Variants in MICAL3 observed in about 807,000 individuals in gnomAD.
MICAL3 encodes the protein microtubule associated monooxygenase, calponin and LIM domain containing 3.
Under a neutral mutation model 207.4 loss-of-function variants are expected in MICAL3, and 62 were observed. The observed-to-expected ratio is 0.30, with a 90% confidence interval of 0.24 to 0.37. The LOEUF is 0.37. Ranked by LOEUF, MICAL3 falls within the 10% of genes least tolerant of loss-of-function variation. MICAL3 has a pLI of 1.00. For missense variants in MICAL3, 2,368 were observed against 2,635.6 expected (o/e 0.90, Z 2.22); for synonymous variants, 1,077 against 1,069.3 (o/e 1.01, Z -0.14).
intron 19 of MICAL3, among the ~76,000 whole-genome samples, chr22:17,850,201 T>C (rs774718167): frequency 2.6e-5 from 4 of 151,782 alleles, no homozygotes; most frequent in African/African-American, 9.7e-5. Flanking sequence ...AAAAACCCAA[T>C]AGGGAACAAA....
At chr22:17,822,823 G>A in intron 23 of MICAL3, 124 bp downstream of exon 23, 2 of 608,228 alleles carry the variant, frequency 3.3e-6, no homozygotes, top group Non-Finnish European at 5.8e-6. Flanking sequence ...TTCCAGCCAT[G>A]GTGGAGCCAA....
In MICAL3 at chr22:18,007,495, G is replaced by A. The variant is rs114550482; in HGVS notation, c.-75+16786C>T. On this transcript the variant is annotated intron_variant, in intron 1 of 31. Transcript: ENST00000441493. ...TTCCAGGCTGGAGTGCAGTGGCACA[G>A]TCATAGTTCACTGCAGCCTTGCACT... Among the ~76,000 whole-genome samples the A allele has an allele frequency of 7.9e-3, 1,202 of 151,606 alleles. 11 individuals carry two copies. The highest frequency in any genetic ancestry group is 0.028 in the African/African-American group (1,144 of 41,362).
chr22:17,906,696 C>T lies in MICAL3; in HGVS notation c.117G>A (p.Leu39=), dbSNP rs1354418334. The T allele has an allele frequency of 3.9e-5, 63 of 1,613,836 alleles. No individual in the cohort carries two copies. Among genetic ancestry groups the T allele is most frequent in the Non-Finnish European group, 5.3e-5 (63 of 1,179,890 alleles). ...AGCGGTAGTCCTTTGGCTTTAGTTC[C>T]AGGTGGTCACAGAGCTCCTGGAAAG... ...LKAFQELCDH[L]ELKPKDYRSF... The change falls in exon 2 of 32, where the codon CTG becomes CTA. Residue 39 remains leucine (L), a synonymous_variant. Transcript: ENST00000441493.
Position 17,916,055 on chromosome 22 carries a change from C to CAAA in MICAL3, c.-74-9172_-74-9170dup, listed in dbSNP as rs755146574. ...CTGGGGATGGAGCGAGATCCAGTCTCAAAAAAAAAAAAAAAAAAAAAAAAA... is the reference window on the plus strand; with the variant it reads ...CTGGGGATGGAGCGAGATCCAGTCTCAAAAAAAAAAAAAAAAAAAAAAAAAAAA... On this transcript the variant is annotated intron_variant, in intron 1 of 31. Transcript: ENST00000441493. Among the ~76,000 whole-genome samples, 354 of 57,552 alleles carry CAAA rather than the reference C, an allele frequency of 6.2e-3. 3 individuals carry two copies. Among genetic ancestry groups the CAAA allele is most frequent in the African/African-American group, 0.016 (300 of 19,264 alleles). 37.8% of individuals were successfully genotyped at this position (57,552 alleles called of 152,430 possible). A position where few individuals can be genotyped will look rare whatever the true frequency, so the allele number is the denominator to read the frequency against.
At chr22:17,947,420 T>G (rs953331935) in intron 1 of MICAL3, among the ~76,000 whole-genome samples, 9 of 152,232 alleles carry the variant, frequency 5.9e-5, no homozygotes, top group Non-Finnish European at 1.0e-4. Context: ...CAGCTTTCTC[T>G]CACCTTCACC....
intron 29 of MICAL3, among the ~76,000 whole-genome samples, chr22:17,800,276 GT>G (rs2061924215): frequency 6.6e-6 from 1 of 152,168 alleles, no homozygotes; most frequent in African/African-American, 2.4e-5. Flanking sequence ...AATTATGTGT[GT>G]GTATTTTCAA....
intron 19 of MICAL3, among the ~76,000 whole-genome samples, chr22:17,856,537 C>A (rs916732117): frequency 6.6e-6 from 1 of 151,814 alleles, no homozygotes; most frequent in Non-Finnish European, 1.5e-5. Flanking sequence ...GAAGGCTGAA[C>A]TGGCCAAAAG....
chr22:17,900,348 C>T lies in MICAL3; in HGVS notation c.847+494G>A, dbSNP rs4819474. ...CTCAGGCTGGGTGTGGTGGCTCACG[C>T]TTGTAATCCTAGCACTTTGGGAGGC... On this transcript the variant is annotated intron_variant, in intron 6 of 31. Coordinates refer to ENST00000441493, the MANE Select transcript of MICAL3 (RefSeq NM_015241.3). This position sits in a 1 kb window ranked among gnomAD's most constrained non-coding sequence, Gnocchi z 4.0. 0.16 allele frequency among the ~76,000 whole-genome samples: 24,961 copies of T among 152,196 alleles called. 2,265 individuals carry two copies. The highest frequency in any genetic ancestry group is 0.29 in the East Asian group (1,523 of 5,176).
chr22:17,872,686 C>T, intron 16 of MICAL3: 1 of 999,986 alleles, frequency 1.0e-6, no homozygotes, highest in East Asian at 2.4e-5. Flanking sequence ...ACTCAGCACA[C>T]AGGTGTGTTT....
Position 17,801,148 on chromosome 22 carries a change from CTTTT to C in MICAL3, c.5650+7692_5650+7695del, listed in dbSNP as rs978301664. The stretch of plus-strand genomic sequence containing the variant: ...ACAAGGCATCCTGAGTTTCCTTTTT[CTTTT>C]TTTTTTTTTTTTTTTTTTGAGACGG... On this transcript the variant is annotated intron_variant, in intron 29 of 31. Coordinates refer to ENST00000441493, the MANE Select transcript of MICAL3 (RefSeq NM_015241.3). 4.4e-5 allele frequency among the ~76,000 whole-genome samples: 4 copies of C among 91,924 alleles called. 1 individual carries two copies. The highest frequency in any genetic ancestry group is 3.1e-4 in the Admixed American group (3 of 9,608). 60.3% of individuals were successfully genotyped at this position (91,924 alleles called of 152,430 possible).
At chr22:17,916,299 C>T (rs774194015) in intron 1 of MICAL3, among the ~76,000 whole-genome samples, 3 of 152,022 alleles carry the variant, frequency 2.0e-5, no homozygotes, top group Non-Finnish European at 4.4e-5. Context: ...ATCCTGTCCC[C>T]GTTCTTACTC....
chr22:17,997,049 TC>T (rs1215558631), intron 1 of MICAL3, among the ~76,000 whole-genome samples: 10 of 115,020 alleles, frequency 8.7e-5, no homozygotes, highest in African/African-American at 2.3e-4. Context: ...CCCCATCTAG[TC>T]TTTTTTTTTT....
chr22:17,831,541 CA>C (rs941254564), intron 21 of MICAL3, among the ~76,000 whole-genome samples: 17 of 152,158 alleles, frequency 1.1e-4, no homozygotes, highest in African/African-American at 3.9e-4. Context: ...AACTACAGGG[CA>C]AAAAGAGAAA....
chr22:17,821,017 T>C, intron 25 of MICAL3, among the ~76,000 whole-genome samples: 1 of 132,908 alleles, frequency 7.5e-6, no homozygotes, highest in East Asian at 2.0e-4. Context: ...TAAACAATTT[T>C]AATACACCTA....
chr22:17,809,042 G>T, intron 28 of MICAL3, 105 bp from the exon 29 acceptor site: 2 of 976,510 alleles, frequency 2.0e-6, no homozygotes, highest in Non-Finnish European at 1.5e-6. Context: ...TGCCGCTCTG[G>T]AAAGGGCTCT....
chr22:17,827,792 A>C lies in MICAL3; in HGVS notation c.3056-11T>G. 6.5e-7 allele frequency: 1 copy of C among 1,543,488 alleles called. No individual in the cohort carries two copies. Among genetic ancestry groups the C allele is most frequent in the South Asian group, 1.2e-5 (1 of 83,888 alleles). ...GCCTCTGGTTCCCGGCTAGTGTCCC[A>C]GGGTCAAGGGGTGGAGAAATGAGGT... is the stretch of plus-strand genomic sequence containing the variant. On this transcript the variant is annotated splice_polypyrimidine_tract_variant and intron_variant, in intron 21 of 31. Transcript: ENST00000441493.
At position 17,896,713 on chromosome 22, in the gene MICAL3, T is replaced by G; in HGVS notation, c.1206+11A>C. 6.2e-7 allele frequency: 1 copy of G among 1,612,464 alleles called. No individual in the cohort carries two copies. Among genetic ancestry groups the G allele is most frequent in the South Asian group, 1.1e-5 (1 of 90,970 alleles). Reference sequence around the variant, plus strand: ...CCCCTACCACAGAGTGCTGCCATGCTTAGCACTCACCTCTAGGAGGCTGTC... The same window carrying G: ...CCCCTACCACAGAGTGCTGCCATGCGTAGCACTCACCTCTAGGAGGCTGTC... On this transcript the variant is annotated intron_variant, in intron 8 of 31. Coordinates refer to ENST00000441493, the MANE Select transcript of MICAL3 (RefSeq NM_015241.3).
intron 16 of MICAL3, among the ~76,000 whole-genome samples, chr22:17,877,518 G>T (rs1225355139): frequency 7.1e-6 from 1 of 141,298 alleles, no homozygotes; most frequent in Non-Finnish European, 1.6e-5. Context: ...GGTTAGGGAG[G>T]TTAGGGAGGT....
chr22:17,870,028 C>T (rs1342044003), intron 17 of MICAL3, among the ~76,000 whole-genome samples: 1 of 152,158 alleles, frequency 6.6e-6, no homozygotes, highest in Non-Finnish European at 1.5e-5. Flanking sequence ...CCTAAAGTTC[C>T]TTCCTGGCTC....
Sources: gnomAD v4.1 joint callset for allele counts (sites outside exome capture counted in the v4.1 genomes callset) on GRCh38, gnomAD v4.1.1 for gene constraint, Gnocchi (gnomAD v3.1) non-coding constraint, MANE v1.5 for transcripts, NCBI Gene and HGNC (gene_info 2026-07-23, HGNC 2026-07-21) for gene names.